CES5A: variants seen among roughly 807,000 people sequenced by gnomAD.
The protein encoded by CES5A is carboxylesterase 5.
A neutral mutation model predicts 62.9 loss-of-function variants in CES5A; 67 were observed. The ratio of observed to expected loss-of-function variants is 1.07; its 90% CI spans 0.88 to 1.31. CES5A has a LOEUF of 1.31. Ranked by LOEUF, CES5A falls within the 50% of genes most tolerant of loss-of-function variation. CES5A has a pLI of 0.00. For missense variants in CES5A, 748 were observed against 708.5 expected (o/e 1.06, Z -0.63); for synonymous variants, 296 against 280.8 (o/e 1.05, Z -0.54).
intron 1 of CES5A, among the ~76,000 whole-genome samples, chr16:55,924,688 A>G (rs2034241455): frequency 6.6e-6 from 1 of 152,126 alleles, no homozygotes; most frequent in Admixed American, 6.5e-5. Flanking sequence ...AAGCAATTGT[A>G]ACTAAATCAG....
At chr16:55,889,307 C>A (rs1261960589) in intron 1 of CES5A, among the ~76,000 whole-genome samples, 1 of 152,146 alleles carries the variant, frequency 6.6e-6, no homozygotes, top group Non-Finnish European at 1.5e-5. Flanking sequence ...GAGACAGCAG[C>A]AAATCCCACA....
At chr16:55,948,388 A>G (rs1210824738) in intron 2 of CES5A, among the ~76,000 whole-genome samples, 1 of 152,180 alleles carries the variant, frequency 6.6e-6, no homozygotes, top group Non-Finnish European at 1.5e-5. Flanking sequence ...ACGCTCAGTT[A>G]ATCTGCACTT....
chr16:55,924,794 T>C (rs2034242525), intron 1 of CES5A, among the ~76,000 whole-genome samples: 2 of 151,600 alleles, frequency 1.3e-5, no homozygotes, highest in South Asian at 2.1e-4. Context: ...TAAATGATGC[T>C]GGGAAAACTG....
chr16:55,857,291 G>C (rs1184254708), intron 8 of CES5A, among the ~76,000 whole-genome samples: 1 of 152,204 alleles, frequency 6.6e-6, no homozygotes. Context: ...TGAGCGAGTT[G>C]ATATTTGTAA....
At chr16:55,877,125 A>G (rs2033705983), upstream of CES5A, among the ~76,000 whole-genome samples, 1 of 152,158 alleles carries the variant, frequency 6.6e-6, no homozygotes, top group South Asian at 2.1e-4. Context: ...GGACTTCTGC[A>G]AGTGGGTCCA....
intron 11 of CES5A, among the ~76,000 whole-genome samples, 183 bp downstream of exon 11, chr16:55,849,441 C>A (rs942573693): frequency 1.2e-4 from 19 of 152,160 alleles, no homozygotes; most frequent in Non-Finnish European, 4.4e-5. Context: ...AAGCAACTGT[C>A]ATGGCACTTT....
intron 10 of CES5A, among the ~76,000 whole-genome samples, chr16:55,852,457 G>C (rs1182629661): frequency 6.6e-6 from 1 of 152,174 alleles, no homozygotes; most frequent in African/African-American, 2.4e-5. Context: ...TAATGTTATG[G>C]GGTGGAGTAT....
intron 1 of CES5A, among the ~76,000 whole-genome samples, chr16:55,882,270 T>C (rs748419384): frequency 2.0e-5 from 3 of 152,166 alleles, no homozygotes; most frequent in Non-Finnish European, 4.4e-5. Context: ...ACTTATCTCC[T>C]AATGGAAAGT....
upstream of CES5A, among the ~76,000 whole-genome samples, chr16:55,928,352 G>C (rs1238231460): frequency 6.6e-6 from 1 of 152,188 alleles, no homozygotes; most frequent in African/African-American, 2.4e-5. Flanking sequence ...TCACTTATAA[G>C]TGGGAGCTAA....
At chr16:55,900,887 G>A (rs7404280) in intron 1 of CES5A, among the ~76,000 whole-genome samples, 2 of 152,318 alleles carry the variant, frequency 1.3e-5, no homozygotes, top group East Asian at 3.9e-4. Flanking sequence ...TAAAGTGCAC[G>A]TGGGAAGTGC....
chr16:55,864,934 C>A (rs1354287574), intron 5 of CES5A, among the ~76,000 whole-genome samples: 1 of 143,808 alleles, frequency 7.0e-6, no homozygotes, highest in Non-Finnish European at 1.5e-5. Flanking sequence ...TCACCGGACA[C>A]GGTGGCTCAC....
intron 1 of CES5A, among the ~76,000 whole-genome samples, chr16:55,892,877 T>G (rs768363717): frequency 7.2e-5 from 11 of 152,194 alleles, no homozygotes; most frequent in Non-Finnish European, 1.5e-4. Flanking sequence ...TGCAGTTATA[T>G]CTTTGGGAGA....
chr16:55,903,032 G>A (rs2034006732), intron 1 of CES5A, among the ~76,000 whole-genome samples: 1 of 152,116 alleles, frequency 6.6e-6, no homozygotes, highest in Non-Finnish European at 1.5e-5. Context: ...TCTGATGGGG[G>A]AATGGCCATT....
intron 2 of CES5A, among the ~76,000 whole-genome samples, chr16:55,873,405 C>A (rs1477034153): frequency 6.6e-6 from 1 of 152,164 alleles, no homozygotes; most frequent in African/African-American, 2.4e-5. Flanking sequence ...CTCAATAAAA[C>A]CCTCACCCAG....
rs183835641 is a variant in CES5A at position 55,872,882 on chromosome 16, A to G, written c.278+951T>C. 2.4e-4 allele frequency among the ~76,000 whole-genome samples: 37 copies of G among 152,234 alleles called. 1 individual carries two copies. In the East Asian group the frequency reaches 7.1e-3, roughly 29 times the overall value. ...CCATCACCCCTCTCCATGCTCCATG[A>G]TGACAGCTGTGACTCAACCCCTGCG... On this transcript the variant is annotated intron_variant, in intron 2 of 12. Coordinates refer to ENST00000290567, the MANE Select transcript of CES5A (RefSeq NM_001143685.2).
chr16:55,870,467 G>C (rs1299094215), intron 3 of CES5A, among the ~76,000 whole-genome samples: 1 of 152,186 alleles, frequency 6.6e-6, no homozygotes, highest in African/African-American at 2.4e-5. Context: ...TTGGGAGGTT[G>C]ACGTGGGTGG....
At chr16:55,908,904 G>A (rs550974907) in intron 1 of CES5A, among the ~76,000 whole-genome samples, 57 of 152,268 alleles carry the variant, frequency 3.7e-4, no homozygotes, top group Non-Finnish European at 3.7e-4. Flanking sequence ...CCCTTCTCAG[G>A]GGCTGAGGGC....
chr16:55,858,314 G>C (rs185204418), intron 8 of CES5A, among the ~76,000 whole-genome samples: 28 of 152,320 alleles, frequency 1.8e-4, no homozygotes, highest in African/African-American at 6.3e-4. Context: ...GCTGCTCTGA[G>C]CCTCAGTTTC....
At chr16:55,881,827 C>T (rs1216271297) in intron 1 of CES5A, among the ~76,000 whole-genome samples, 1 of 152,000 alleles carries the variant, frequency 6.6e-6, no homozygotes, top group Non-Finnish European at 1.5e-5. Flanking sequence ...AATGGGATCC[C>T]TAGTATCGGT....
Sources: gnomAD v4.1 joint callset for allele counts (sites outside exome capture counted in the v4.1 genomes callset) on GRCh38, gnomAD v4.1.1 for gene constraint, MANE v1.5 for transcripts, NCBI Gene and HGNC (gene_info 2026-07-23, HGNC 2026-07-21) for gene names.